Variants in MGST1 observed in about 807,000 individuals in gnomAD.
The protein encoded by MGST1 is microsomal glutathione S-transferase 1, also known as glutathione S-transferase 12.
A neutral mutation model predicts 8.9 loss-of-function variants in MGST1; 5 were observed. That is an observed-to-expected ratio of 0.56 (90% confidence interval 0.29 to 1.19). MGST1 has a LOEUF of 1.19. Ranked by LOEUF, MGST1 falls within the 50% of genes most tolerant of loss-of-function variation. MGST1 has a pLI of 0.08. For missense variants in MGST1, 182 were observed against 187.4 expected (o/e 0.97, Z 0.17); for synonymous variants, 54 against 67.8 (o/e 0.80, Z 1.00).
rs149787211 is a variant in MGST1, at chr12:16,467,824, T to C, written n.482+84220T>C. On this transcript the variant is annotated intron_variant and non_coding_transcript_variant, in intron 4 of 4. Transcript: ENST00000538857. Reference sequence around the variant, plus strand: ...AGTGTCTGCTTCAGACATTAGTTTCTGAAATAGAATTGAGTCTTAATTAGC... The same window carrying C: ...AGTGTCTGCTTCAGACATTAGTTTCCGAAATAGAATTGAGTCTTAATTAGC... Among the ~76,000 whole-genome samples, 251 of 152,326 alleles carry C rather than the reference T, an allele frequency of 1.6e-3. 1 individual carries two copies. The highest frequency in any genetic ancestry group is 6.8e-3 in the Middle Eastern group (2 of 294).
chr12:16,516,529 G>A (rs1287850497), intron 4 of MGST1, among the ~76,000 whole-genome samples: 1 of 152,146 alleles, frequency 6.6e-6, no homozygotes, highest in African/African-American at 2.4e-5. Context: ...TAGTCTTTCA[G>A]ACTTTCCATT....
chr12:16,371,613 A>G (rs1940294845), intron 3 of MGST1, among the ~76,000 whole-genome samples: 1 of 152,078 alleles, frequency 6.6e-6, no homozygotes, highest in South Asian at 2.1e-4. Flanking sequence ...TTGAACTCCA[A>G]TTAAGCAAAA....
chr12:16,348,371 A>G (rs1939295066), intron 1 of MGST1, among the ~76,000 whole-genome samples: 1 of 152,202 alleles, frequency 6.6e-6, no homozygotes. Context: ...CCACTTCCCC[A>G]GTCTGGAGGA....
intron 4 of MGST1, among the ~76,000 whole-genome samples, chr12:16,463,048 T>G (rs1941231517): frequency 6.6e-6 from 1 of 152,178 alleles, no homozygotes; most frequent in East Asian, 1.9e-4. Context: ...ACTTAAAGGG[T>G]AGTTGAGCAA....
rs548520594 is a variant in MGST1, at chr12:16,514,473, G to T, written n.483-75055G>T. 22 of 249,544 alleles carry T rather than the reference G, an allele frequency of 8.8e-5. No individual in the cohort carries two copies. In the South Asian group the frequency reaches 1.0e-3, roughly 12 times the overall value. 15.5% of individuals were successfully genotyped at this position (249,544 alleles called of 1,614,324 possible). On this transcript the variant is annotated intron_variant and non_coding_transcript_variant, in intron 4 of 4. Transcript: ENST00000538857. ...GCTGGTCTCTAACCTCAAGAAGGAG[G>T]GTTCTACCCACTACTGGCCACACAT...
At position 16,364,220 on chromosome 12, in the gene MGST1, GA is replaced by G. The variant is rs1940137489; in HGVS notation, c.*182del. On this transcript the variant is annotated 3_prime_UTR_variant, in exon 4 of 4. Coordinates refer to ENST00000396210, the MANE Select transcript of MGST1 (RefSeq NM_020300.5). The surrounding 1 kb of genome is among the most constrained non-coding windows in gnomAD (Gnocchi z 5.7). ...GTATTCTTGTTTTACATTTGGATTAGAAATTTAACATAGTAATTCTTAAGTC... is the reference window on the plus strand; with the variant it reads ...GTATTCTTGTTTTACATTTGGATTAGAATTTAACATAGTAATTCTTAAGTC... 1 of 1,280,712 alleles carries G rather than the reference GA, an allele frequency of 7.8e-7. No individual in the cohort carries two copies. Among genetic ancestry groups the G allele is most frequent in the Non-Finnish European group, 9.9e-7 (1 of 1,012,984 alleles). The allele number at this position is 1,280,712 out of a possible 1,614,324, so 79.3% of individuals were successfully genotyped here.
intron 1 of MGST1, among the ~76,000 whole-genome samples, chr12:16,426,290 T>C (rs1390534002): frequency 6.6e-6 from 1 of 152,194 alleles, no homozygotes; most frequent in Non-Finnish European, 1.5e-5. Context: ...TCTGTGGTTT[T>C]GTAACAACTG....
At chr12:16,414,359 T>C (rs1272763923) in intron 1 of MGST1, among the ~76,000 whole-genome samples, 2 of 32,564 alleles carry the variant, frequency 6.1e-5, no homozygotes, top group East Asian at 2.9e-4. Flanking sequence ...CCTGATTTCT[T>C]TTTTTTTTTT....
chr12:16,449,305 A>G (rs1226213239), intron 4 of MGST1, among the ~76,000 whole-genome samples: 4 of 151,850 alleles, frequency 2.6e-5, no homozygotes, highest in African/African-American at 7.3e-5. Flanking sequence ...GAGAGGTGCC[A>G]TACACTTTTA....
At chr12:16,381,914 TC>T (rs1940456764), downstream of MGST1, among the ~76,000 whole-genome samples, 1 of 152,230 alleles carries the variant, frequency 6.6e-6, no homozygotes, top group African/African-American at 2.4e-5. Flanking sequence ...TACCCTTTCT[TC>T]CAGTTGATCG....
At chr12:16,451,761 G>C (rs80167931) in intron 4 of MGST1, among the ~76,000 whole-genome samples, 1 of 151,636 alleles carries the variant, frequency 6.6e-6, no homozygotes, top group African/African-American at 2.4e-5. Flanking sequence ...TAATATTATT[G>C]CATATCTGAC....
intron 4 of MGST1, among the ~76,000 whole-genome samples, chr12:16,475,772 T>C (rs1269495796): frequency 6.6e-6 from 1 of 152,146 alleles, no homozygotes; most frequent in Admixed American, 6.5e-5. Flanking sequence ...GAAGTGTCCC[T>C]GTTGCACTCC....
chr12:16,372,832 T>A (rs534384984), intron 3 of MGST1, among the ~76,000 whole-genome samples: 1 of 147,528 alleles, frequency 6.8e-6, no homozygotes, highest in South Asian at 2.1e-4. Context: ...TAATATAATA[T>A]TCCATTATAT....
At chr12:16,372,917 T>C (rs577077075) in intron 3 of MGST1, among the ~76,000 whole-genome samples, 2 of 142,842 alleles carry the variant, frequency 1.4e-5, no homozygotes, top group Non-Finnish European at 3.1e-5. Flanking sequence ...ACATATTTTA[T>C]ATATTTTATA....
chr12:16,582,818 T>A lies in MGST1; in HGVS notation n.483-6710T>A. Among the ~76,000 whole-genome samples, 1 of 151,934 alleles carries A rather than the reference T, an allele frequency of 6.6e-6. No individual in the cohort carries two copies. The highest frequency in any genetic ancestry group is 2.1e-4 in the South Asian group (1 of 4,822). ...ATCCCAGCACTTTGGGAGGCCAAAT[T>A]GAGTGGATCACCTGAGGTCAGGAGT... is the stretch of plus-strand genomic sequence containing the variant. On this transcript the variant is annotated intron_variant and non_coding_transcript_variant, in intron 4 of 4. Coordinates refer to the MGST1 transcript ENST00000538857. The surrounding 1 kb of genome is among the most constrained non-coding windows in gnomAD (Gnocchi z 4.1).
intron 1 of MGST1, among the ~76,000 whole-genome samples, chr12:16,421,850 C>T (rs1442674281): frequency 6.6e-6 from 1 of 152,144 alleles, no homozygotes; most frequent in Admixed American, 6.5e-5. Flanking sequence ...ACTGCCCCTT[C>T]CAGACTACAG....
At chr12:16,453,486 A>C (rs1230310070) in intron 4 of MGST1, among the ~76,000 whole-genome samples, 3 of 151,966 alleles carry the variant, frequency 2.0e-5, no homozygotes, top group African/African-American at 7.2e-5. Flanking sequence ...ATAAATATCT[A>C]CATACATTTA....
intron 4 of MGST1, among the ~76,000 whole-genome samples, chr12:16,567,802 C>T (rs1186349368): frequency 6.6e-6 from 1 of 152,000 alleles, no homozygotes; most frequent in Non-Finnish European, 1.5e-5. Flanking sequence ...CTCCTACACT[C>T]AGGCAAAACT....
intron 1 of MGST1, among the ~76,000 whole-genome samples, chr12:16,424,994 T>C (rs1940872948): frequency 6.6e-6 from 1 of 152,116 alleles, no homozygotes; most frequent in Non-Finnish European, 1.5e-5. Flanking sequence ...AATCAATCTA[T>C]AGGAAGGAAA....
Sources: allele counts gnomAD v4.1 joint callset (sites outside exome capture counted in the v4.1 genomes callset), GRCh38; gene constraint gnomAD v4.1.1; non-coding constraint Gnocchi (gnomAD v3.1); transcripts MANE v1.5; gene names NCBI Gene and HGNC (gene_info 2026-07-23, HGNC 2026-07-21).